Variants in SEMA6C observed in about 807,000 individuals in gnomAD.
SEMA6C encodes semaphorin 6C, also known as semaphorin-6C.
A neutral mutation model predicts 72.9 loss-of-function variants in SEMA6C; 37 were observed. That is an observed-to-expected ratio of 0.51 (90% CI 0.39 to 0.67). SEMA6C has a LOEUF of 0.67. Ranked by LOEUF, SEMA6C falls within the 30% of genes least tolerant of loss-of-function variation. SEMA6C has a pLI of 0.00. For missense variants in SEMA6C, 1,189 were observed against 1,263.6 expected, an observed-to-expected ratio of 0.94 and a Z score of 0.89; for synonymous variants, 578 against 554.1, an observed-to-expected ratio of 1.04 and a Z score of -0.61.
intron 6 of SEMA6C, among the ~76,000 whole-genome samples, chr1:151,139,087 C>T (rs587638012): frequency 3.6e-5 from 5 of 137,322 alleles, no homozygotes; most frequent in East Asian, 4.2e-4. Context: ...ACTGAGACTC[C>T]GTCTCAAAAA....
At position 151,137,771 on chromosome 1, in the gene SEMA6C, A is replaced by C; in HGVS notation, c.696T>G (p.His232Gln). ...REPHFVQALE[H>Q]GDHVYFFFRE... ...GGAAGAAGAAGTAGACATGGTCTCC[A>C]TGCTCCAAGGCCTGGACAAAGTGTG... The change falls in exon 10 of 19, where the codon CAT becomes CAG. Residue 232 changes from histidine to glutamine, a missense_variant. By Grantham distance (24) the His-to-Gln change is conservative. This residue lies in a region of SEMA6C where 468 missense variants were observed against 577.4 expected (regional missense o/e 0.81). Coordinates refer to ENST00000368914, the MANE Select transcript of SEMA6C (RefSeq NM_030913.6). The C allele has an allele frequency of 6.2e-7, 1 of 1,613,774 alleles. No homozygotes were observed. Among genetic ancestry groups the C allele is most frequent in the Non-Finnish European group, 8.5e-7 (1 of 1,179,736 alleles).
At chr1:151,134,329 T>G in intron 18 of SEMA6C, 72 bp downstream of exon 18, 6 of 1,397,710 alleles carry the variant, frequency 4.3e-6, no homozygotes, top group Non-Finnish European at 6.0e-6. Flanking sequence ...GCTGCTCTGC[T>G]GCTGCTACAG....
At chr1:151,144,161 G>A (rs74127533) in intron 2 of SEMA6C, among the ~76,000 whole-genome samples, 4,780 of 152,208 alleles carry the variant, frequency 0.031, 260 homozygotes, top group African/African-American at 0.11. Flanking sequence ...TCCGGATACT[G>A]TTGTTCCCAG....
At chr1:151,135,502 TTGA>T in intron 14 of SEMA6C, 86 bp downstream of exon 14, 1 of 1,501,730 alleles carries the variant, frequency 6.7e-7, no homozygotes, top group Non-Finnish European at 9.0e-7. Context: ...AAAGCCAATG[TTGA>T]TGTTTCCAAC....
In SEMA6C at chr1:151,131,965, C is replaced by T; in HGVS notation, c.*519G>A. 3.7e-6 allele frequency: 1 copy of T among 271,870 alleles called. No individual in the cohort carries two copies. Among genetic ancestry groups the T allele is most frequent in the South Asian group, 3.1e-5 (1 of 31,750 alleles). The allele number at this position is 271,870 out of a possible 1,614,324, so 16.8% of individuals were successfully genotyped here. On this transcript the variant is annotated 3_prime_UTR_variant, in exon 19 of 19. Coordinates refer to ENST00000368914, the MANE Select transcript of SEMA6C (RefSeq NM_030913.6). Reference sequence around the variant, plus strand: ...CAGCCATCCCATTACCCGGGAGAGCCCAGGGCCCAGATGAAGGCAGAGAGC... The same window carrying T: ...CAGCCATCCCATTACCCGGGAGAGCTCAGGGCCCAGATGAAGGCAGAGAGC...
In SEMA6C at chr1:151,133,216, C is replaced by G. The variant is rs780802862; in HGVS notation, c.2061G>C (p.Pro687=). Residue 687 remains proline, a synonymous_variant, in exon 19 of 19, where the codon CCG becomes CCC. Transcript: ENST00000368914. The surrounding 1 kb of genome is among the most constrained non-coding windows in gnomAD (Gnocchi z 5.9). ...CCAGCTCCGGCGGGGGCACGCCCTC[C>G]GGAGGCGGCAGGAAGGTGGTGTAGA... ...PQLYTTFLPP[P]EGVPPPELAC... 6.3e-7 allele frequency: 1 copy of G among 1,577,000 alleles called. No individual in the cohort carries two copies. Among genetic ancestry groups the G allele is most frequent in the Non-Finnish European group, 8.6e-7 (1 of 1,168,472 alleles).
intron 2 of SEMA6C, 149 bp from the exon 3 acceptor site, chr1:151,142,824 C>T (rs980190932): frequency 1.3e-5 from 7 of 523,048 alleles, no homozygotes; most frequent in Admixed American, 7.2e-5. Context: ...CAGTTCCAGC[C>T]AGCTGTCATT....
chr1:151,135,362 C>T (rs1245541655), intron 14 of SEMA6C, 53 bp from the exon 15 acceptor site: 5 of 1,578,810 alleles, frequency 3.2e-6, no homozygotes, highest in Non-Finnish European at 4.3e-6. Flanking sequence ...TACCTTTTCC[C>T]TGAGTGAGTG....
chr1:151,138,237 G>A (rs1682227748), intron 8 of SEMA6C, 79 bp downstream of exon 8: 2 of 1,585,056 alleles, frequency 1.3e-6, no homozygotes, highest in Non-Finnish European at 1.7e-6. Context: ...GGGAATGGGG[G>A]AAAGACCCAC....
chr1:151,137,118 A>C lies in SEMA6C; in HGVS notation c.757-44T>G, dbSNP rs372803763. 118 of 1,553,522 alleles carry C rather than the reference A, an allele frequency of 7.6e-5. No homozygotes were observed. The African/African-American group carries it at 1.5e-3, about 20-fold the overall frequency. ...GTAGACAATGGTGAGACAGACCCAC[A>C]GGGCCAGCTGCATGCAAGGAGTGTG... On this transcript the variant is annotated intron_variant, in intron 10 of 18. Transcript: ENST00000368914.
intron 6 of SEMA6C, 102 bp downstream of exon 6, chr1:151,139,322 GA>G: frequency 6.1e-6 from 6 of 984,294 alleles, no homozygotes; most frequent in Non-Finnish European, 8.2e-6. Flanking sequence ...GCCTGGGATG[GA>G]AAAAGTGTGA....
chr1:151,146,377 GC>G lies in SEMA6C; in HGVS notation c.-105+55del, dbSNP rs1682935508. 1 of 152,540 alleles carries G rather than the reference GC, an allele frequency of 6.6e-6. No homozygotes were observed. 9.4% of individuals were successfully genotyped at this position (152,540 alleles called of 1,614,324 possible). A position where few individuals can be genotyped will look rare whatever the true frequency, so the allele number is the denominator to read the frequency against. ...CAGAAGCTTGCCCCCCGCCGGCCGC[GC>G]CCTCCTGCTCCCTCCCCGCCTCCCC... On this transcript the variant is annotated intron_variant, in intron 1 of 18. Transcript: ENST00000368914. The surrounding 1 kb of genome is among the most constrained non-coding windows in gnomAD (Gnocchi z 4.6).
In SEMA6C at chr1:151,133,631, C is replaced by G; in HGVS notation, c.1760-114G>C. 2 of 1,418,850 alleles carry G rather than the reference C, an allele frequency of 1.4e-6. No homozygotes were observed. Among genetic ancestry groups the G allele is most frequent in the Non-Finnish European group, 1.8e-6 (2 of 1,084,804 alleles). The allele number at this position is 1,418,850 out of a possible 1,614,324, so 87.9% of individuals were successfully genotyped here. On this transcript the variant is annotated intron_variant, in intron 18 of 18. Transcript: ENST00000368914. This position sits in a 1 kb window ranked among gnomAD's most constrained non-coding sequence, Gnocchi z 5.9. ...GACATCATCGTCCCTCCCGCTGCTA[C>G]TCAGCCTCACTCCTACAGCCTCCAC...
In SEMA6C at chr1:151,135,595, C is replaced by A. The variant is rs751844091; in HGVS notation, c.1429G>T (p.Ala477Ser). The A allele has an allele frequency of 6.2e-7, 1 of 1,611,798 alleles. No individual in the cohort carries two copies. The highest frequency in any genetic ancestry group is 1.7e-5 in the Admixed American group (1 of 59,582). Reference protein sequence around the residue: ...LLEEIDAYSPARCSGKRTAQT... With the variant: ...LLEEIDAYSPSRCSGKRTAQT... Reference sequence around the variant, plus strand: ...CCTGCCCTCCAAAGGCCTCACCGGGCAGGGCTGTAGGCATCAATCTCTTCC... The same window carrying A: ...CCTGCCCTCCAAAGGCCTCACCGGGAAGGGCTGTAGGCATCAATCTCTTCC... The change falls in exon 14 of 19, where the codon GCC becomes TCC. Residue 477 changes from alanine (A) to serine (S), a missense_variant. Transcript: ENST00000368914.
intron 7 of SEMA6C, 43 bp downstream of exon 7, chr1:151,138,587 G>A: frequency 6.3e-7 from 1 of 1,582,904 alleles, no homozygotes; most frequent in Non-Finnish European, 8.7e-7. Context: ...CCATCTTGGG[G>A]TCCCCCCAAC....
intron 6 of SEMA6C, 52 bp downstream of exon 6, chr1:151,139,373 T>C (rs1385940058): frequency 3.4e-6 from 5 of 1,490,268 alleles, no homozygotes; most frequent in Non-Finnish European, 4.7e-6. Flanking sequence ...GGACAGAGAC[T>C]GGGGGCAGAG....
rs1287269413 is a variant in SEMA6C at position 151,133,523 on chromosome 1, G to A, written c.1760-6C>T. ...GGGCAGGTCCCGGCGCACGCCTGCC[G>A]ACCGAGAGGGAGGAGGGAGGCTCAG... On this transcript the variant is annotated splice_region_variant and splice_polypyrimidine_tract_variant and intron_variant, in intron 18 of 18. Transcript: ENST00000368914. The surrounding 1 kb of genome is among the most constrained non-coding windows in gnomAD (Gnocchi z 5.9). The A allele has an allele frequency of 2.0e-6, 3 of 1,500,162 alleles. No individual in the cohort carries two copies. Among genetic ancestry groups the A allele is most frequent in the Non-Finnish European group, 1.8e-6 (2 of 1,127,534 alleles). The allele number at this position is 1,500,162 out of a possible 1,614,324, so 92.9% of individuals were successfully genotyped here.
intron 10 of SEMA6C, 75 bp downstream of exon 10, chr1:151,137,636 C>G: frequency 6.7e-6 from 8 of 1,197,024 alleles, no homozygotes; most frequent in Non-Finnish European, 8.5e-6. Flanking sequence ...GTCAGGAGAT[C>G]TCCTCCCACT....
Position 151,142,627 on chromosome 1 carries a change from G to C in SEMA6C, c.-6C>G, listed in dbSNP as rs377186617. 1 of 1,560,116 alleles carries C rather than the reference G, an allele frequency of 6.4e-7. No individual in the cohort carries two copies. Among genetic ancestry groups the C allele is most frequent in the Non-Finnish European group, 8.7e-7 (1 of 1,155,458 alleles). On this transcript the variant is annotated 5_prime_UTR_variant, in exon 3 of 19. Transcript: ENST00000368914. ...AAGTGGGGGGCACGGGGCATCCTGT[G>C]CGGGGCAGCTCAGGCCCCAGGGGGT... is the stretch of plus-strand genomic sequence containing the variant.
Sources: gnomAD v4.1 joint callset for allele counts (sites outside exome capture counted in the v4.1 genomes callset) on GRCh38, gnomAD v4.1.1 for gene constraint, gnomAD v4.1.1 regional missense constraint, Gnocchi (gnomAD v3.1) non-coding constraint, MANE v1.5 for transcripts, NCBI Gene and HGNC (gene_info 2026-07-23, HGNC 2026-07-21) for gene names.